Variants in ZCWPW2 observed in about 807,000 individuals in gnomAD.
The protein encoded by ZCWPW2 is zinc finger CW-type and PWWP domain containing 2, also known as zinc finger CW-type PWWP domain protein 2.
In ZCWPW2, 45 loss-of-function variants were observed where a neutral mutation model predicts 46.6. That is an observed-to-expected ratio of 0.96 (90% CI 0.76 to 1.24). The LOEUF (loss-of-function observed/expected upper bound fraction) is 1.24. Among genes scored for constraint, ZCWPW2 ranks in the 50% most tolerant of loss-of-function variants. The probability of loss-of-function intolerance (pLI) is 0.00; values close to 1 mark genes in which losing one functional copy is unlikely to be tolerated. For missense variants in ZCWPW2, 429 were observed against 403.9 expected (o/e 1.06, Z -0.53); for synonymous variants, 152 against 137.1 (o/e 1.11, Z -0.76).
At position 28,520,916 on chromosome 3, in the gene ZCWPW2, T is replaced by C. The variant is rs548574447; in HGVS notation, c.785-76T>C. The C allele has an allele frequency of 3.1e-4, 480 of 1,539,860 alleles. 10 individuals carry two copies. In the South Asian group the frequency reaches 5.1e-3, roughly 16 times the overall value. ...TAGCATTTAAAAGATTTCTTCTTTC[T>C]GGGTAGTTAAGATTATGAATTAGAT... is the stretch of plus-strand genomic sequence containing the variant. On this transcript the variant is annotated intron_variant, in intron 8 of 9. Transcript: ENST00000383768.
chr3:28,403,992 T>C (rs921248427), intron 2 of ZCWPW2, among the ~76,000 whole-genome samples: 1 of 152,156 alleles, frequency 6.6e-6, no homozygotes, highest in Non-Finnish European at 1.5e-5. Flanking sequence ...AGGCATGGAC[T>C]TCATGACCAA....
chr3:28,521,000 G>T lies in ZCWPW2; in HGVS notation c.793G>T (p.Glu265Ter), dbSNP rs1700708742. ...TAATCCTGTTTTTTTAGTTGTCTGT[G>T]AGACGGAAGTTTTACTAAAAGAGCT... ...ALSKENRVVC[E>*]TEVLLKELEQ... The change falls in exon 9 of 10, where the codon GAG (glutamate) becomes TAG (stop). Residue 265 changes from glutamate to a stop codon, truncating the protein, a stop_gained. Transcript: ENST00000383768. LOFTEE classifies it high-confidence loss of function. The T allele has an allele frequency of 6.2e-7, 1 of 1,613,428 alleles. No homozygotes were observed. Among genetic ancestry groups the T allele is most frequent in the South Asian group, 1.1e-5 (1 of 91,004 alleles).
chr3:28,377,773 C>A (rs1705549190), intron 1 of ZCWPW2, among the ~76,000 whole-genome samples: 1 of 152,022 alleles, frequency 6.6e-6, no homozygotes, highest in Non-Finnish European at 1.5e-5. Context: ...CTGTTTTATT[C>A]TTACAAGTCT....
intron 4 of ZCWPW2, among the ~76,000 whole-genome samples, chr3:28,477,123 C>G (rs540767356): frequency 6.6e-6 from 1 of 152,176 alleles, no homozygotes; most frequent in Non-Finnish European, 1.5e-5. Context: ...GATTTTTCAC[C>G]ATAATTTCTA....
chr3:28,477,491 G>A (rs368734753), intron 4 of ZCWPW2, among the ~76,000 whole-genome samples: 1 of 152,094 alleles, frequency 6.6e-6, no homozygotes, highest in African/African-American at 2.4e-5. Flanking sequence ...CCATCTTCAT[G>A]GACCTTTCAT....
At chr3:28,358,545 G>A (rs1369649174) in intron 1 of ZCWPW2, among the ~76,000 whole-genome samples, 2 of 152,120 alleles carry the variant, frequency 1.3e-5, no homozygotes, top group African/African-American at 4.8e-5. Context: ...GTTTGTCCTA[G>A]ATGAAAACAT....
At chr3:28,363,893 G>A (rs1192353888) in intron 1 of ZCWPW2, among the ~76,000 whole-genome samples, 3 of 152,070 alleles carry the variant, frequency 2.0e-5, no homozygotes, top group Non-Finnish European at 4.4e-5. Context: ...TGTGGTGGTG[G>A]ACATTCCCTC....
Position 28,435,190 on chromosome 3 carries a change from A to G in ZCWPW2, c.413A>G (p.His138Arg), listed in dbSNP as rs1697430872. 12 of 1,613,776 alleles carry G rather than the reference A, an allele frequency of 7.4e-6. No individual in the cohort carries two copies. The highest frequency in any genetic ancestry group is 1.0e-5 in the Non-Finnish European group (12 of 1,179,958). ...YDPDGNVEEY[H>R]IEFLGDPHSR... ...CCGGATGGAAATGTTGAAGAGTATC[A>G]CATAGAATTCCTGGGCGATCCCCAT... Residue 138 changes from histidine to arginine, a missense_variant, in exon 4 of 10, where the codon CAC becomes CGC. Coordinates refer to ENST00000383768, the MANE Select transcript of ZCWPW2 (RefSeq NM_001040432.4).
chr3:28,447,689 T>C, intron 4 of ZCWPW2: 1 of 451,944 alleles, frequency 2.2e-6, no homozygotes, highest in African/African-American at 2.0e-5. Flanking sequence ...ATAAAAGATA[T>C]CTAGCTTCCA....
At chr3:28,421,930 C>T (rs896798425) in intron 3 of ZCWPW2, among the ~76,000 whole-genome samples, 1 of 149,488 alleles carries the variant, frequency 6.7e-6, no homozygotes, top group Non-Finnish European at 1.5e-5. Context: ...TTATTGTTTT[C>T]TCAAAGTATC....
intron 1 of ZCWPW2, among the ~76,000 whole-genome samples, chr3:28,363,923 G>A (rs1705029973): frequency 6.6e-6 from 1 of 152,054 alleles, no homozygotes; most frequent in Non-Finnish European, 1.5e-5. Flanking sequence ...ATAATAAACT[G>A]TCTTTTCACA....
At chr3:28,503,095 A>C (rs1700191332) in intron 6 of ZCWPW2, among the ~76,000 whole-genome samples, 1 of 152,186 alleles carries the variant, frequency 6.6e-6, no homozygotes, top group Non-Finnish European at 1.5e-5. Context: ...ATTTGATGAT[A>C]CTTAAAATCT....
At chr3:28,484,443 T>C (rs138146334) in intron 5 of ZCWPW2, among the ~76,000 whole-genome samples, 13 of 152,332 alleles carry the variant, frequency 8.5e-5, no homozygotes, top group Non-Finnish European at 1.6e-4. Flanking sequence ...TTATATTGAT[T>C]CAATTTCTTT....
At chr3:28,376,891 C>A (rs1705516178) in intron 1 of ZCWPW2, among the ~76,000 whole-genome samples, 1 of 152,010 alleles carries the variant, frequency 6.6e-6, no homozygotes, top group African/African-American at 2.4e-5. Flanking sequence ...TTAAACAGAA[C>A]TGGACAATTT....
intron 1 of ZCWPW2, among the ~76,000 whole-genome samples, chr3:28,359,784 A>G (rs936075907): frequency 6.6e-6 from 1 of 152,154 alleles, no homozygotes; most frequent in Non-Finnish European, 1.5e-5. Flanking sequence ...TGTAAGAGGT[A>G]ATTAAAGATA....
At chr3:28,442,774 A>G (rs1056166301) in intron 4 of ZCWPW2, among the ~76,000 whole-genome samples, 5 of 151,802 alleles carry the variant, frequency 3.3e-5, no homozygotes, top group East Asian at 1.9e-4. Context: ...TCCAAGATCT[A>G]TCTGTCTTCT....
intron 6 of ZCWPW2, among the ~76,000 whole-genome samples, chr3:28,500,984 G>A (rs552524842): frequency 6.6e-6 from 1 of 152,116 alleles, no homozygotes; most frequent in Non-Finnish European, 1.5e-5. Context: ...ATAGGCCAGT[G>A]TTCCCCAGAC....
At chr3:28,518,639 C>CA (rs1700642674) in intron 8 of ZCWPW2, among the ~76,000 whole-genome samples, 1 of 152,160 alleles carries the variant, frequency 6.6e-6, no homozygotes, top group Non-Finnish European at 1.5e-5. Flanking sequence ...AGAGAGCCTA[C>CA]AATGCCATTT....
At chr3:28,408,251 C>T (rs200339539) in intron 2 of ZCWPW2, among the ~76,000 whole-genome samples, 4 of 152,126 alleles carry the variant, frequency 2.6e-5, no homozygotes, top group Non-Finnish European at 1.5e-5. Context: ...ATCCCCTTAA[C>T]ATTTTATAAT....
Sources: gnomAD v4.1 joint callset for allele counts (sites outside exome capture counted in the v4.1 genomes callset) on GRCh38, gnomAD v4.1.1 for gene constraint, MANE v1.5 for transcripts, NCBI Gene and HGNC (gene_info 2026-07-23, HGNC 2026-07-21) for gene names.